ATP11C: variants seen among roughly 807,000 people sequenced by gnomAD.
ATP11C encodes ATPase phospholipid transporting 11C (ATP11C blood group).
A neutral mutation model predicts 97.4 loss-of-function variants in ATP11C; 36 were observed. The ratio of observed to expected loss-of-function variants is 0.37; its 90% CI spans 0.28 to 0.49. The LOEUF (loss-of-function observed/expected upper bound fraction) is 0.49, where lower values mean the gene tolerates loss of function less well. ATP11C is among the 20% of genes least tolerant of loss of function. ATP11C has a pLI of 0.98. For missense variants in ATP11C, 730 were observed against 824.6 expected (o/e 0.89, Z 1.40); for synonymous variants, 275 against 290.9 (o/e 0.95, Z 0.56).
chrX:139,908,676 C>T (rs1303236138), intron 1 of ATP11C, among the ~76,000 whole-genome samples: 1 of 112,344 alleles, frequency 8.9e-6, no homozygotes. Context: ...TGACTACCTT[C>T]CTGACAATAA....
intron 23 of ATP11C, among the ~76,000 whole-genome samples, chrX:139,757,022 C>T (rs181823373): frequency 1.0e-3 from 107 of 106,426 alleles, no homozygotes; most frequent in African/African-American, 3.5e-3. Flanking sequence ...AAATCACTTC[C>T]TACCAGGAGG....
chrX:139,885,127 C>T (rs1172986753), intron 1 of ATP11C, among the ~76,000 whole-genome samples: 1 of 110,878 alleles, frequency 9.0e-6, no homozygotes, highest in East Asian at 2.8e-4. Context: ...TTCTACCTCA[C>T]TCTCCCAATT....
chrX:139,831,239 A>G (rs1252972169), intron 1 of ATP11C, among the ~76,000 whole-genome samples: 1 of 111,196 alleles, frequency 9.0e-6, no homozygotes, highest in Non-Finnish European at 1.9e-5. Context: ...TTACAGTCAT[A>G]TTAACTGAAA....
chrX:139,789,746 T>C (rs2082649579), intron 12 of ATP11C, among the ~76,000 whole-genome samples: 1 of 111,374 alleles, frequency 9.0e-6, no homozygotes, highest in Non-Finnish European at 1.9e-5. Context: ...AATGTGACTA[T>C]TGGCCAGGCA....
intron 1 of ATP11C, among the ~76,000 whole-genome samples, chrX:139,930,440 A>C (rs2085415672): frequency 9.0e-6 from 1 of 110,978 alleles, no homozygotes; most frequent in African/African-American, 3.3e-5. Context: ...GTTTTCCACC[A>C]TAAGAGTGCC....
At chrX:139,839,726 G>A (rs993891847) in intron 1 of ATP11C, among the ~76,000 whole-genome samples, 1 of 111,514 alleles carries the variant, frequency 9.0e-6, no homozygotes, top group Non-Finnish European at 1.9e-5. Flanking sequence ...CACTTGAATC[G>A]TTTCCCATTG....
intron 18 of ATP11C, among the ~76,000 whole-genome samples, chrX:139,778,782 T>C (rs1370525539): frequency 7.2e-5 from 8 of 111,251 alleles, no homozygotes; most frequent in Non-Finnish European, 1.5e-4. Context: ...TGAGCCAGGA[T>C]TGCGCCGCTG....
intron 12 of ATP11C, among the ~76,000 whole-genome samples, chrX:139,791,815 CTCT>C (rs755664873): frequency 4.5e-5 from 5 of 111,419 alleles, no homozygotes; most frequent in African/African-American, 6.5e-5. Context: ...CAAGCAGCCT[CTCT>C]TCTTCTTCAA....
At chrX:139,883,057 C>G (rs763937435) in intron 1 of ATP11C, among the ~76,000 whole-genome samples, 1 of 111,533 alleles carries the variant, frequency 9.0e-6, no homozygotes, top group South Asian at 3.8e-4. Context: ...GCTAGCAGAA[C>G]GAAGGGTGGA....
chrX:139,849,719 T>C (rs2083960389), intron 1 of ATP11C, among the ~76,000 whole-genome samples: 1 of 112,592 alleles, frequency 8.9e-6, no homozygotes, highest in Non-Finnish European at 1.9e-5. Context: ...GGTTTGAATG[T>C]CCCCTCCAAA....
chrX:139,813,863 T>C (rs2083228906), intron 5 of ATP11C, among the ~76,000 whole-genome samples: 1 of 111,481 alleles, frequency 9.0e-6, no homozygotes, highest in Non-Finnish European at 1.9e-5. Flanking sequence ...ATGTAGGCTA[T>C]GTGGATATGT....
chrX:139,835,251 G>A (rs2083729588), intron 1 of ATP11C, among the ~76,000 whole-genome samples: 1 of 111,890 alleles, frequency 8.9e-6, no homozygotes, highest in Non-Finnish European at 1.9e-5. Context: ...GCTTAATAAA[G>A]AGAGGCAAGA....
At position 139,798,739 on chromosome X, in the gene ATP11C, A is replaced by C. The variant is rs755949628; in HGVS notation, c.715T>G (p.Leu239Val). The C allele has an allele frequency of 9.2e-6, 11 of 1,201,208 alleles. No individual in the cohort carries two copies. The African/African-American group carries it at 1.8e-4, about 19-fold the overall frequency. Residue 239 changes from leucine (L) to valine (V), a missense_variant, in exon 9 of 30, where the codon TTG (leucine) becomes GTG (valine). Physicochemically the swap from Leu to Val is conservative, Grantham distance 32 (BLOSUM62 1). Transcript: ENST00000682941. ...SNSLEAVARSLGPENLLLKGA... is the reference protein window; with the variant it reads ...SNSLEAVARSVGPENLLLKGA... ...TTCAGCAAGAGATTTTCAGGTCCCA[A>C]AGACCTAAATAAAAAATGAACACAG...
At chrX:139,833,365 T>C (rs2083690225) in intron 1 of ATP11C, among the ~76,000 whole-genome samples, 1 of 111,440 alleles carries the variant, frequency 9.0e-6, no homozygotes, top group Non-Finnish European at 1.9e-5. Context: ...GGAGCATGGC[T>C]TAGTTGAATA....
At chrX:139,857,704 C>T (rs1007830760) in intron 1 of ATP11C, among the ~76,000 whole-genome samples, 2 of 110,928 alleles carry the variant, frequency 1.8e-5, no homozygotes, top group African/African-American at 6.6e-5. Flanking sequence ...TCCAAGTGTA[C>T]GCTCACCATT....
rs1003091381 is a variant in ATP11C at position 139,847,498 on chromosome X, C to T, written c.28-20675G>A. On this transcript the variant is annotated intron_variant, in intron 1 of 29. Coordinates refer to ENST00000682941, the MANE Select transcript of ATP11C (RefSeq NM_001353812.2). ...AGGACTCTGCTTGAGCCCAGGAGTT[C>T]GAGACCAGCCTGGGCAACACAGTGA... Among the ~76,000 whole-genome samples, 7 of 110,190 alleles carry T rather than the reference C, an allele frequency of 6.4e-5. No individual in the cohort carries two copies. The Middle Eastern group carries it at 0.014, about 223-fold the overall frequency.
At chrX:139,749,931 C>A in intron 24 of ATP11C, 94 bp downstream of exon 24, 1 of 910,324 alleles carries the variant, frequency 1.1e-6, no homozygotes, top group Non-Finnish European at 1.5e-6. Context: ...TACCACAAAC[C>A]AAGTGCACAG....
chrX:139,921,335 G>A (rs1045166370), intron 1 of ATP11C, among the ~76,000 whole-genome samples: 23 of 111,091 alleles, frequency 2.1e-4, no homozygotes, highest in African/African-American at 7.5e-4. Context: ...TAGTGAGTGA[G>A]TCTCACGAGA....
chrX:139,777,373 T>C (rs1476513180), intron 18 of ATP11C, among the ~76,000 whole-genome samples: 2 of 109,075 alleles, frequency 1.8e-5, no homozygotes, highest in South Asian at 4.0e-4. Context: ...ACTACAGCAA[T>C]TTCAAAATAC....
Sources: gnomAD v4.1 joint callset for allele counts (sites outside exome capture counted in the v4.1 genomes callset) on GRCh38, gnomAD v4.1.1 for gene constraint, MANE v1.5 for transcripts, NCBI Gene and HGNC (gene_info 2026-07-23, HGNC 2026-07-21) for gene names.